The following ADCY9 variants were observed in gnomAD, a reference collection of about 807,000 sequenced individuals.
The protein encoded by ADCY9 is adenylate cyclase 9, also known as adenylate cyclase type 9.
Under a neutral mutation model 101.5 loss-of-function variants are expected in ADCY9, and 50 were observed. That is an observed-to-expected ratio of 0.49 (90% CI 0.39 to 0.62). The LOEUF is 0.62. Ranked by LOEUF, ADCY9 falls within the 20% of genes least tolerant of loss-of-function variation. The pLI is 0.00. For synonymous variants in ADCY9, 905 were observed against 769.3 expected (o/e 1.18, Z -2.92); for missense variants, 1,662 against 1,800.4 (o/e 0.92, Z 1.39).
chr16:3,956,523 C>T (rs1456991508), intron 5 of ADCY9, among the ~76,000 whole-genome samples: 1 of 52,890 alleles, frequency 1.9e-5, no homozygotes, highest in Non-Finnish European at 3.8e-5. Flanking sequence ...TGGAGTCTCC[C>T]TCTGTCTCCC....
intron 7 of ADCY9, among the ~76,000 whole-genome samples, chr16:3,980,651 TC>T (rs1486279045): frequency 6.6e-6 from 1 of 152,188 alleles, no homozygotes; most frequent in African/African-American, 2.4e-5. Flanking sequence ...CTCCAGCCAT[TC>T]CCCACATGGA....
Position 4,116,408 on chromosome 16 carries a change from C to T in ADCY9, c.-762G>A, listed in dbSNP as rs1176953388. On this transcript the variant is annotated 5_prime_UTR_variant, in exon 1 of 11. Coordinates refer to ENST00000294016, the MANE Select transcript of ADCY9 (RefSeq NM_001116.4). Reference sequence around the variant, plus strand: ...CTCATGTCGGAAGAGCTGCCGCCGCCACCATCTCCGGCCCCTGCCCCGCCC... The same window carrying T: ...CTCATGTCGGAAGAGCTGCCGCCGCTACCATCTCCGGCCCCTGCCCCGCCC... Among the ~76,000 whole-genome samples the T allele has an allele frequency of 4.8e-5, 7 of 146,246 alleles. No individual in the cohort carries two copies. The highest frequency in any genetic ancestry group is 2.1e-4 in the South Asian group (1 of 4,804).
downstream of ADCY9, among the ~76,000 whole-genome samples, chr16:3,960,955 T>G (rs996026797): frequency 3.9e-5 from 6 of 152,236 alleles, no homozygotes; most frequent in Non-Finnish European, 8.8e-5. Context: ...AGTTTCACTT[T>G]CCCAGTACGC....
downstream of ADCY9, among the ~76,000 whole-genome samples, chr16:3,960,806 A>T (rs80227196): frequency 8.1e-3 from 1,228 of 152,338 alleles, 18 homozygotes; most frequent in African/African-American, 0.028. Flanking sequence ...ACAACTCTTT[A>T]GAGTCATGAT....
In ADCY9 at chr16:4,108,706, C is replaced by CTTT. The variant is rs112428707; in HGVS notation, c.1693+5041_1693+5043dup. ...ATATCTTTAATAACTGTCCCTCACACTTTTTTTTTTTTTTTTGAGACAGGG... is the reference window on the plus strand; with the variant it reads ...ATATCTTTAATAACTGTCCCTCACACTTTTTTTTTTTTTTTTTTTGAGACAGGG... On this transcript the variant is annotated intron_variant, in intron 2 of 10. Coordinates refer to ENST00000294016, the MANE Select transcript of ADCY9 (RefSeq NM_001116.4). Among the ~76,000 whole-genome samples the CTTT allele has an allele frequency of 5.8e-3, 723 of 124,526 alleles. 16 individuals are homozygous for CTTT. Among genetic ancestry groups the CTTT allele is most frequent in the Non-Finnish European group, 8.1e-3 (495 of 61,408 alleles). 81.7% of individuals were successfully genotyped at this position (124,526 alleles called of 152,430 possible).
In ADCY9 at chr16:3,966,450, G is replaced by GGC. The variant is rs1567413027; in HGVS notation, c.3386_3387insGC (p.Ser1129ArgfsTer18). 2 of 1,613,976 alleles carry GGC rather than the reference G, an allele frequency of 1.2e-6. No homozygotes were observed. Among genetic ancestry groups the GGC allele is most frequent in the Non-Finnish European group, 1.7e-6 (2 of 1,180,042 alleles). On this transcript the variant is annotated frameshift_variant, in exon 11 of 11. Coordinates refer to ENST00000294016, the MANE Select transcript of ADCY9 (RefSeq NM_001116.4). LOFTEE classifies it high-confidence loss of function. The stretch of plus-strand genomic sequence containing the variant: ...GGATCTGCAGGTGCTCCTGCGGGTG[G>GGC]CTGCCGTCCTGGGCCTGCGCGGTGT...
At chr16:4,037,710 G>A (rs746062214) in intron 2 of ADCY9, among the ~76,000 whole-genome samples, 1 of 152,172 alleles carries the variant, frequency 6.6e-6, no homozygotes, top group African/African-American at 2.4e-5. Flanking sequence ...ATTTCTCTGT[G>A]ATGAGTGATG....
chr16:4,035,998 CAAA>C (rs55792873), intron 2 of ADCY9, among the ~76,000 whole-genome samples: 1 of 23,166 alleles, frequency 4.3e-5, no homozygotes, highest in Non-Finnish European at 7.2e-5. Flanking sequence ...AACTCCATCT[CAAA>C]AAAAAAAAAA....
At chr16:3,986,102 T>C (rs527933758) in intron 6 of ADCY9, among the ~76,000 whole-genome samples, 1 of 152,374 alleles carries the variant, frequency 6.6e-6, no homozygotes, top group Non-Finnish European at 1.5e-5. Flanking sequence ...GAGCACAGGC[T>C]CTGCAGCCGG....
In ADCY9 at chr16:4,114,982, A is replaced by C; in HGVS notation, c.461T>G (p.Leu154Arg). ...AAACAGAAAGAAGCCCACACACACC[A>C]GGAGGAAGCACAGCGCGGGGGCGAC... The part of the protein sequence containing the change: ...VMVAPALCFL[L>R]VCVGFFLFTF... The change falls in exon 2 of 11, where the codon CTG (leucine) becomes CGG (arginine). Residue 154 changes from leucine (L) to arginine (R), a missense_variant. Physicochemically the swap from Leu to Arg is moderately radical, Grantham distance 102. Around this residue, in one of 5 missense-constraint regions of ADCY9, gnomAD observed 422 missense variants for 392.0 expected, o/e 1.08. Transcript: ENST00000294016. This position sits in a 1 kb window ranked among gnomAD's most constrained non-coding sequence, Gnocchi z 4.3. 1.2e-6 allele frequency: 2 copies of C among 1,614,076 alleles called. No individual in the cohort carries two copies. Among genetic ancestry groups the C allele is most frequent in the Non-Finnish European group, 1.7e-6 (2 of 1,180,030 alleles).
At chr16:4,039,488 G>T (rs1367553006) in intron 2 of ADCY9, among the ~76,000 whole-genome samples, 1 of 151,742 alleles carries the variant, frequency 6.6e-6, no homozygotes, top group East Asian at 1.9e-4. Flanking sequence ...AGGCCAGCCT[G>T]ACCAATAAGA....
intron 2 of ADCY9, among the ~76,000 whole-genome samples, chr16:4,029,565 G>C (rs1417580647): frequency 6.6e-6 from 1 of 152,148 alleles, no homozygotes; most frequent in African/African-American, 2.4e-5. Context: ...TGGCCAACAT[G>C]GTGAAACCCC....
At chr16:4,028,527 T>C (rs905783205) in intron 2 of ADCY9, among the ~76,000 whole-genome samples, 3 of 152,170 alleles carry the variant, frequency 2.0e-5, no homozygotes, top group Admixed American at 2.0e-4. Context: ...TGATTCCAAT[T>C]ATATGAAATG....
rs777113575 is a variant in ADCY9 at position 3,983,314 on chromosome 16, T to C, written c.2437A>G (p.Thr813Ala). ...AGGGCGGCGGGCGGGGGAGGCACGG[T>C]GGCCGCCTCGTACTTCAGGAAGCAG... ...TTCFLKYEAA[T>A]VPPPPAALAV... Residue 813 changes from threonine to alanine, a missense_variant, in exon 7 of 11, where the codon ACC (threonine) becomes GCC (alanine). By Grantham distance (58) the Thr-to-Ala change is moderately conservative. This residue lies in a region of ADCY9 where 624 missense variants were observed against 639.1 expected (regional missense o/e 0.98). Transcript: ENST00000294016. The C allele has an allele frequency of 1.9e-6, 3 of 1,570,026 alleles. No individual in the cohort carries two copies. Among genetic ancestry groups the C allele is most frequent in the Admixed American group, 3.8e-5 (2 of 53,216 alleles).
At chr16:4,113,169 TTTTA>T (rs1295012324) in intron 2 of ADCY9, among the ~76,000 whole-genome samples, 1 of 149,792 alleles carries the variant, frequency 6.7e-6, no homozygotes, top group East Asian at 1.9e-4. Context: ...TGCAAACTTT[TTTTA>T]AAAAAAAAAA....
At position 4,115,420 on chromosome 16, in the gene ADCY9, T is replaced by G; in HGVS notation, c.23A>C (p.Gln8Pro). 6.4e-7 allele frequency: 1 copy of G among 1,566,168 alleles called. No individual in the cohort carries two copies. The highest frequency in any genetic ancestry group is 8.7e-7 in the Non-Finnish European group (1 of 1,156,052). ...CTCGGTGCTGTGGTGATGCAGCAGC[T>G]GCTGGTGGGGTGGGGAAGCCATGTT... Reference protein sequence around the residue: MASPPHQQLLHHHSTEVS... With the variant: MASPPHQPLLHHHSTEVS... Residue 8 changes from glutamine (Q) to proline (P), a missense_variant, in exon 2 of 11, where the codon CAG becomes CCG. Coordinates refer to ENST00000294016, the MANE Select transcript of ADCY9 (RefSeq NM_001116.4). The surrounding 1 kb of genome is among the most constrained non-coding windows in gnomAD (Gnocchi z 6.2).
intron 2 of ADCY9, among the ~76,000 whole-genome samples, chr16:4,027,804 G>A (rs1267919713): frequency 6.6e-6 from 1 of 151,716 alleles, no homozygotes; most frequent in African/African-American, 2.4e-5. Context: ...TTGAACCCAG[G>A]AGGCAGAGGT....
chr16:3,979,180 A>G lies in ADCY9; in HGVS notation c.2615T>C (p.Leu872Pro). 6.2e-7 allele frequency: 1 copy of G among 1,614,160 alleles called. No homozygotes were observed. The highest frequency in any genetic ancestry group is 1.1e-5 in the South Asian group (1 of 91,086). Residue 872 changes from leucine (L) to proline (P), a missense_variant, in exon 8 of 11, where the codon CTG becomes CCG. Physicochemically the swap from Leu to Pro is moderately conservative, Grantham distance 98. Transcript: ENST00000294016. Reference protein sequence around the residue: ...WLPRHCIGAILVSLPALAVYS... With the variant: ...WLPRHCIGAIPVSLPALAVYS... ...GACGGCCAGTGCGGGAAGCGACACCAGGATGGCCCCGATGCAGTGACGTGG... is the reference window on the plus strand; with the variant it reads ...GACGGCCAGTGCGGGAAGCGACACCGGGATGGCCCCGATGCAGTGACGTGG...
intron 2 of ADCY9, among the ~76,000 whole-genome samples, chr16:4,032,410 T>C (rs893610359): frequency 3.9e-5 from 6 of 152,110 alleles, no homozygotes; most frequent in Non-Finnish European, 8.8e-5. Context: ...GGTGGCTGGC[T>C]GTGCTCTCCT....
Sources: allele counts gnomAD v4.1 joint callset (sites outside exome capture counted in the v4.1 genomes callset), GRCh38; gene constraint gnomAD v4.1.1; regional missense constraint gnomAD v4.1.1; non-coding constraint Gnocchi (gnomAD v3.1); transcripts MANE v1.5; gene names NCBI Gene and HGNC (gene_info 2026-07-23, HGNC 2026-07-21).